Variants in CSGALNACT1 observed in about 807,000 individuals in gnomAD.
The protein encoded by CSGALNACT1 is chondroitin sulfate N-acetylgalactosaminyltransferase 1.
Under a neutral mutation model 51.0 loss-of-function variants are expected in CSGALNACT1, and 52 were observed. The ratio of observed to expected loss-of-function variants is 1.02; its 90% CI spans 0.82 to 1.29. The LOEUF (loss-of-function observed/expected upper bound fraction) is 1.29. Among genes scored for constraint, CSGALNACT1 ranks in the 50% most tolerant of loss-of-function variants. The pLI, the probability that CSGALNACT1 is intolerant of heterozygous loss-of-function variation, is 0.00. For missense variants in CSGALNACT1, 935 were observed against 679.2 expected, an observed-to-expected ratio of 1.38 and a Z score of -4.19; for synonymous variants, 341 against 254.4, an observed-to-expected ratio of 1.34 and a Z score of -3.24.
In CSGALNACT1 at chr8:19,437,238, G is replaced by C. The variant is rs968002126; in HGVS notation, c.953+2592C>G. On this transcript the variant is annotated intron_variant, in intron 6 of 9. Transcript: ENST00000454498. ...GGAACTTAGGTGGGGAGTGATGGGG[G>C]TTGAGGTTTGAATTAACAAAAAGGA... Among the ~76,000 whole-genome samples, 4 of 152,232 alleles carry C rather than the reference G, an allele frequency of 2.6e-5. No individual in the cohort carries two copies. In the South Asian group the frequency reaches 8.3e-4, roughly 32 times the overall value.
At chr8:19,461,413 G>A (rs971382645) in intron 4 of CSGALNACT1, among the ~76,000 whole-genome samples, 9 of 152,062 alleles carry the variant, frequency 5.9e-5, no homozygotes, top group African/African-American at 2.2e-4. Flanking sequence ...CACCATGGAG[G>A]GTGTATCCAC....
At chr8:19,532,388 G>A (rs10503652) in intron 3 of CSGALNACT1, among the ~76,000 whole-genome samples, 32,602 of 151,792 alleles carry the variant, frequency 0.21, 3,810 homozygotes, top group African/African-American at 0.32. Context: ...TATGAGCCCG[G>A]TATTTTCAAA....
At chr8:19,405,678 A>T in exon 10 of CSGALNACT1, 1 of 1,459,680 alleles carries the variant, frequency 6.9e-7, no homozygotes, top group Non-Finnish European at 9.5e-7. Flanking sequence ...CATCAGTCCA[A>T]TTCTTTTGTC....
chr8:19,433,561 G>T (rs1292936374), intron 6 of CSGALNACT1, among the ~76,000 whole-genome samples: 1 of 152,290 alleles, frequency 6.6e-6, no homozygotes, highest in Middle Eastern at 3.4e-3. Flanking sequence ...TTAGACAAAT[G>T]CTCTCCCTGA....
chr8:19,595,753 C>A (rs564617046), intron 2 of CSGALNACT1, among the ~76,000 whole-genome samples: 1 of 152,082 alleles, frequency 6.6e-6, no homozygotes, highest in Non-Finnish European at 1.5e-5. Context: ...GGTTATAATT[C>A]TTTCCTTTGT....
chr8:19,670,479 C>T (rs2059705091), intron 1 of CSGALNACT1, among the ~76,000 whole-genome samples: 1 of 151,768 alleles, frequency 6.6e-6, no homozygotes, highest in South Asian at 2.1e-4. Context: ...TATGTACATA[C>T]ATACATAATG....
exon 10 of CSGALNACT1, chr8:19,405,672 A>C: frequency 7.3e-7 from 1 of 1,364,960 alleles, no homozygotes; most frequent in South Asian, 1.2e-5. Flanking sequence ...CTGACCCATC[A>C]GTCCAATTCT....
intron 1 of CSGALNACT1, among the ~76,000 whole-genome samples, chr8:19,621,274 G>A (rs574913966): frequency 1.3e-5 from 2 of 151,812 alleles, no homozygotes; most frequent in African/African-American, 4.8e-5. Context: ...GATTGATGAG[G>A]GGAAAAAAAA....
chr8:19,677,609 A>C (rs1256397505), intron 1 of CSGALNACT1, among the ~76,000 whole-genome samples: 1 of 152,200 alleles, frequency 6.6e-6, no homozygotes, highest in Non-Finnish European at 1.5e-5. Flanking sequence ...TTTTAGCTAG[A>C]AGGAAATCAG....
intron 1 of CSGALNACT1, among the ~76,000 whole-genome samples, chr8:19,618,629 C>CAAAAAA (rs60787326): frequency 1.1e-3 from 73 of 64,018 alleles, no homozygotes; most frequent in Non-Finnish European, 1.7e-3. Flanking sequence ...AATACTCCAT[C>CAAAAAA]AAAAAAAAAA....
chr8:19,602,461 C>T (rs570234605), exon 1 of CSGALNACT1: 2 of 152,700 alleles, frequency 1.3e-5, no homozygotes, highest in East Asian at 3.8e-4. Flanking sequence ...GCAGGGTTCG[C>T]CGCACAACGC....
intron 1 of CSGALNACT1, among the ~76,000 whole-genome samples, chr8:19,636,156 A>G (rs1370701745): frequency 6.6e-6 from 1 of 152,226 alleles, no homozygotes; most frequent in Non-Finnish European, 1.5e-5. Flanking sequence ...CATGGTCAGT[A>G]AACAGGCGAG....
chr8:19,505,621 C>G (rs777058879), exon 4 of CSGALNACT1: 2 of 1,614,162 alleles, frequency 1.2e-6, no homozygotes, highest in South Asian at 1.1e-5. Flanking sequence ...AGGCTGCTCA[C>G]GTAGTTGCGG....
At chr8:19,716,525 C>T (rs2062815828) in intron 1 of CSGALNACT1, among the ~76,000 whole-genome samples, 1 of 145,704 alleles carries the variant, frequency 6.9e-6, no homozygotes, top group Non-Finnish European at 1.5e-5. Context: ...TGCCTGTAAT[C>T]CCAGTACTTT....
intron 6 of CSGALNACT1, among the ~76,000 whole-genome samples, chr8:19,426,551 G>A (rs141162766): frequency 4.6e-5 from 7 of 152,274 alleles, no homozygotes; most frequent in African/African-American, 1.7e-4. Flanking sequence ...TTCCTGTTAT[G>A]AAACTGAACG....
chr8:19,507,985 T>C (rs759204738), intron 3 of CSGALNACT1, among the ~76,000 whole-genome samples: 2 of 152,268 alleles, frequency 1.3e-5, no homozygotes, highest in African/African-American at 4.8e-5. Flanking sequence ...GAGGGTATCA[T>C]GCCTTTGCCA....
At chr8:19,665,946 GCTT>G (rs762775257) in intron 1 of CSGALNACT1, among the ~76,000 whole-genome samples, 1 of 152,062 alleles carries the variant, frequency 6.6e-6, no homozygotes, top group Non-Finnish European at 1.5e-5. Flanking sequence ...GATTTTCCAG[GCTT>G]CTTATTTTCT....
chr8:19,755,114 G>C (rs940506012), intron 1 of CSGALNACT1, among the ~76,000 whole-genome samples: 2 of 152,154 alleles, frequency 1.3e-5, no homozygotes, highest in Admixed American at 1.3e-4. Context: ...GGAGGAAAGA[G>C]GAAAGATGAG....
At chr8:19,683,778 G>T (rs1043477253), upstream of CSGALNACT1, among the ~76,000 whole-genome samples, 10 of 151,956 alleles carry the variant, frequency 6.6e-5, no homozygotes, top group African/African-American at 2.4e-4. Context: ...CTTTCATAGT[G>T]TAATAAATGT....
Sources: allele counts gnomAD v4.1 joint callset (sites outside exome capture counted in the v4.1 genomes callset), GRCh38; gene constraint gnomAD v4.1.1; transcripts MANE v1.5; gene names NCBI Gene and HGNC (gene_info 2026-07-23, HGNC 2026-07-21).